Variants in PRKAG2 observed in about 807,000 individuals in gnomAD.
PRKAG2 encodes protein kinase AMP-activated non-catalytic subunit gamma 2.
In PRKAG2, 26 loss-of-function variants were observed where a neutral mutation model predicts 69.6. That is an observed-to-expected ratio of 0.37 (90% CI 0.27 to 0.52). PRKAG2 has a LOEUF of 0.52. Ranked by LOEUF, PRKAG2 falls within the 20% of genes least tolerant of loss-of-function variation. PRKAG2 has a pLI of 0.90. For missense variants in PRKAG2, 557 were observed against 740.0 expected, an observed-to-expected ratio of 0.75 and a Z score of 2.87; for synonymous variants, 293 against 285.0, an observed-to-expected ratio of 1.03 and a Z score of -0.28.
intron 1 of PRKAG2, among the ~76,000 whole-genome samples, chr7:151,815,247 A>G (rs2078607602): frequency 6.6e-6 from 1 of 152,136 alleles, no homozygotes; most frequent in South Asian, 2.1e-4. Flanking sequence ...GTCTCTGCCT[A>G]TATCAGCCAT....
At chr7:151,824,111 T>C (rs2078855249) in intron 1 of PRKAG2, among the ~76,000 whole-genome samples, 1 of 152,194 alleles carries the variant, frequency 6.6e-6, no homozygotes, top group East Asian at 1.9e-4. Context: ...TAAGAAGGAA[T>C]CAGCTTTTGA....
In PRKAG2 at chr7:151,777,564, G is replaced by A. The variant is rs762696805; in HGVS notation, c.466+3588C>T. Reference sequence around the variant, plus strand: ...CTTGCGTGTGAGCTCTGCATACCCCGGCTTTCCTTCGCCTTCCTCCATGAG... The same window carrying A: ...CTTGCGTGTGAGCTCTGCATACCCCAGCTTTCCTTCGCCTTCCTCCATGAG... On this transcript the variant is annotated intron_variant, in intron 3 of 15. Coordinates refer to ENST00000287878, the MANE Select transcript of PRKAG2 (RefSeq NM_016203.4). This position sits in a 1 kb window ranked among gnomAD's most constrained non-coding sequence, Gnocchi z 4.3. Among the ~76,000 whole-genome samples, 12 of 152,058 alleles carry A rather than the reference G, an allele frequency of 7.9e-5. No homozygotes were observed. The highest frequency in any genetic ancestry group is 2.1e-4 in the South Asian group (1 of 4,820).
intron 3 of PRKAG2, among the ~76,000 whole-genome samples, chr7:151,684,871 G>A (rs555007547): frequency 6.6e-6 from 1 of 152,182 alleles, no homozygotes; most frequent in Non-Finnish European, 1.5e-5. Flanking sequence ...TCCTGAGGGC[G>A]TGGAGGCCAG....
At chr7:151,832,796 G>A (rs1048042469) in intron 1 of PRKAG2, among the ~76,000 whole-genome samples, 1 of 152,124 alleles carries the variant, frequency 6.6e-6, no homozygotes, top group Non-Finnish European at 1.5e-5. Context: ...CTCTTCTCTA[G>A]GTAATAAATG....
intron 3 of PRKAG2, among the ~76,000 whole-genome samples, chr7:151,779,387 C>T (rs1431072154): frequency 6.6e-6 from 1 of 152,210 alleles, no homozygotes; most frequent in Admixed American, 6.5e-5. Context: ...GGACCCTCCT[C>T]CTCCTCTCCC....
chr7:151,565,610 C>G, intron 12 of PRKAG2, 110 bp downstream of exon 12: 1 of 1,451,286 alleles, frequency 6.9e-7, no homozygotes, highest in Non-Finnish European at 9.6e-7. Context: ...ATTTATTCAC[C>G]ATACCCAAGT....
intron 3 of PRKAG2, among the ~76,000 whole-genome samples, chr7:151,709,861 C>T (rs769369011): frequency 9.9e-5 from 15 of 151,844 alleles, no homozygotes; most frequent in South Asian, 4.2e-4. Context: ...GTGACAGTGA[C>T]GAGTGACGTG....
At chr7:151,570,085 T>G in intron 10 of PRKAG2, 86 bp downstream of exon 10, 1 of 1,467,948 alleles carries the variant, frequency 6.8e-7, no homozygotes, top group South Asian at 1.2e-5. Context: ...ATGAAGAACA[T>G]GTTTATTTGT....
chr7:151,576,350 C>T, intron 7 of PRKAG2, 21 bp downstream of exon 7: 1 of 1,562,098 alleles, frequency 6.4e-7, no homozygotes, highest in Non-Finnish European at 8.8e-7. Flanking sequence ...TTTCGATTTT[C>T]CTCAGGCCCA....
intron 1 of PRKAG2, among the ~76,000 whole-genome samples, chr7:151,795,845 TCATA>T (rs1358941479): frequency 3.4e-4 from 21 of 61,282 alleles, no homozygotes; most frequent in Non-Finnish European, 5.6e-4. Flanking sequence ...CAAACAAATC[TCATA>T]TATATATATA....
intron 3 of PRKAG2, among the ~76,000 whole-genome samples, chr7:151,763,330 C>A (rs998093367): frequency 7.9e-5 from 12 of 152,254 alleles, no homozygotes; most frequent in East Asian, 3.8e-4. Context: ...GGCACAGAGT[C>A]GAGCACACGG....
At chr7:151,865,155 G>A (rs2080030700) in intron 1 of PRKAG2, among the ~76,000 whole-genome samples, 1 of 152,260 alleles carries the variant, frequency 6.6e-6, no homozygotes. Flanking sequence ...TCAGCCGTGT[G>A]ACTTGCCATG....
chr7:151,866,155 C>A (rs914886456), intron 1 of PRKAG2, among the ~76,000 whole-genome samples: 2 of 152,162 alleles, frequency 1.3e-5, no homozygotes, highest in Non-Finnish European at 2.9e-5. Context: ...AGACCTGACA[C>A]ACACAGGGCA....
At chr7:151,768,036 G>A (rs144843868) in intron 3 of PRKAG2, among the ~76,000 whole-genome samples, 198 of 152,352 alleles carry the variant, frequency 1.3e-3, no homozygotes, top group African/African-American at 4.5e-3. Flanking sequence ...GCTGATGCAT[G>A]ACAAGCTGCA....
rs138219370 is a variant in PRKAG2, at chr7:151,807,149, C to T, written c.115-20608G>A. On this transcript the variant is annotated intron_variant, in intron 1 of 15. Coordinates refer to ENST00000287878, the MANE Select transcript of PRKAG2 (RefSeq NM_016203.4). This position sits in a 1 kb window ranked among gnomAD's most constrained non-coding sequence, Gnocchi z 4.4. ...GGAAATGTTCCAGATCACACTGTGG[C>T]GGTGGTCACATGACTGTGCACACTT... 154 of 372,800 alleles carry T rather than the reference C, an allele frequency of 4.1e-4. 3 individuals carry two copies. Among genetic ancestry groups the T allele is most frequent in the South Asian group, 2.8e-3 (140 of 49,206 alleles). The allele number at this position is 372,800 out of a possible 1,614,324, so 23.1% of individuals were successfully genotyped here.
chr7:151,796,860 C>G (rs1048535045), intron 1 of PRKAG2, among the ~76,000 whole-genome samples: 6 of 152,286 alleles, frequency 3.9e-5, no homozygotes, highest in African/African-American at 1.4e-4. Context: ...ACGGAGGGAA[C>G]AGCCCTTCAT....
intron 3 of PRKAG2, among the ~76,000 whole-genome samples, chr7:151,709,214 AGTG>A (rs960722182): frequency 2.0e-5 from 3 of 152,192 alleles, no homozygotes; most frequent in African/African-American, 7.2e-5. Flanking sequence ...TGTGTGACAC[AGTG>A]TTGTGACACT....
rs777547384 is a variant in PRKAG2 at position 151,788,714 on chromosome 7, CTGCCAAATTCAG to C, written c.115-2185_115-2174del. On this transcript the variant is annotated intron_variant, in intron 1 of 15. Transcript: ENST00000287878. The surrounding 1 kb of genome is among the most constrained non-coding windows in gnomAD (Gnocchi z 4.6). ...TTTTGGTGTTGTATTCAAGAAATCA[CTGCCAAATTCAG>C]TGTCATGAAGCTTTTCCCGTATGTT... Among the ~76,000 whole-genome samples, 7 of 152,214 alleles carry C rather than the reference CTGCCAAATTCAG, an allele frequency of 4.6e-5. No homozygotes were observed. Among genetic ancestry groups the C allele is most frequent in the Non-Finnish European group, 1.0e-4 (7 of 68,034 alleles).
chr7:151,819,193 C>T (rs1164907227), intron 1 of PRKAG2, among the ~76,000 whole-genome samples: 1 of 152,180 alleles, frequency 6.6e-6, no homozygotes, highest in Non-Finnish European at 1.5e-5. Context: ...CCTCCGAGGA[C>T]CCAGCTGCTG....
Sources: gnomAD v4.1 joint callset for allele counts (sites outside exome capture counted in the v4.1 genomes callset) on GRCh38, gnomAD v4.1.1 for gene constraint, Gnocchi (gnomAD v3.1) non-coding constraint, MANE v1.5 for transcripts, NCBI Gene and HGNC (gene_info 2026-07-23, HGNC 2026-07-21) for gene names.